GABRA1: variants seen among roughly 807,000 people sequenced by gnomAD.
GABRA1 encodes the protein gamma-aminobutyric acid type A receptor subunit alpha1.
Under a neutral mutation model 48.9 loss-of-function variants are expected in GABRA1, and 9 were observed. The observed-to-expected ratio is 0.18, with a 90% CI of 0.11 to 0.32. GABRA1 has a LOEUF of 0.32. Among genes scored for constraint, GABRA1 ranks in the 10% least tolerant of loss-of-function variants. The pLI is 1.00. For missense variants in GABRA1, 285 were observed against 553.8 expected (o/e 0.51, Z 4.87); for synonymous variants, 210 against 198.7 (o/e 1.06, Z -0.48).
chr5:161,875,628 T>G lies in GABRA1; in HGVS notation c.545T>G (p.Leu182Arg). Residue 182 changes from leucine (L) to arginine (R), a missense_variant, in exon 6 of 10, where the codon CTA becomes CGA. Around this residue, in one of 6 missense-constraint regions of GABRA1, gnomAD observed 105 missense variants for 267.4 expected, o/e 0.39. Transcript: ENST00000393943. ...CCTATGGATGCCCATGCTTGCCCAC[T>G]AAAATTTGGAAGTTGTGAGTAAATT... ...DFPMDAHACP[L>R]KFGSYAYTRA... 6.2e-7 allele frequency: 1 copy of G among 1,613,006 alleles called. No homozygotes were observed. Among genetic ancestry groups the G allele is most frequent in the South Asian group, 1.1e-5 (1 of 91,068 alleles).
At chr5:161,867,855 C>T (rs932862980) in intron 4 of GABRA1, among the ~76,000 whole-genome samples, 6 of 151,952 alleles carry the variant, frequency 3.9e-5, no homozygotes, top group Non-Finnish European at 2.9e-5. Context: ...TTTTAGCTTT[C>T]GGCCACATAT....
chr5:161,870,276 C>T (rs1232261469), intron 4 of GABRA1, among the ~76,000 whole-genome samples: 4 of 152,018 alleles, frequency 2.6e-5, no homozygotes, highest in East Asian at 1.9e-4. Flanking sequence ...TAAGAAGGGG[C>T]TTTGGCCAGG....
At chr5:161,883,699 TA>T (rs555218847) in intron 7 of GABRA1, among the ~76,000 whole-genome samples, 2 of 151,946 alleles carry the variant, frequency 1.3e-5, no homozygotes, top group East Asian at 1.9e-4. Context: ...GGAGTGGTGA[TA>T]AAAAAAACTT....
In GABRA1 at chr5:161,873,037, AT is replaced by A. The variant is rs1754191740; in HGVS notation, c.256-78del. On this transcript the variant is annotated intron_variant, in intron 4 of 9. Transcript: ENST00000393943. ...ACATTATACTTCCAAAGTTGCAAAA[AT>A]TATGCACTGTCTGCGTTAGATATTT... is the stretch of plus-strand genomic sequence containing the variant. 3 of 1,147,812 alleles carry A rather than the reference AT, an allele frequency of 2.6e-6. No individual in the cohort carries two copies. The South Asian group carries it at 3.7e-5, about 14-fold the overall frequency. 71.1% of individuals were successfully genotyped at this position (1,147,812 alleles called of 1,614,324 possible). A position where few individuals can be genotyped will look rare whatever the true frequency, so the allele number is the denominator to read the frequency against.
rs1753807587 is a variant in GABRA1 at position 161,865,724 on chromosome 5, G to A, written c.191G>A (p.Arg64His). The change falls in exon 4 of 10, where the codon CGT (arginine) becomes CAT (histidine). Residue 64 changes from arginine (R) to histidine (H), a missense_variant. By Grantham distance (29) the Arg-to-His change is conservative. Around this residue, in one of 6 missense-constraint regions of GABRA1, gnomAD observed 105 missense variants for 267.4 expected, o/e 0.39. Coordinates refer to ENST00000393943, the MANE Select transcript of GABRA1 (RefSeq NM_001127644.2). Reference sequence around the variant, plus strand: ...GCCCAATTTCCTGCTTCAACAGAGCGTGTAACCGAAGTGAAGACTGATATC... The same window carrying A: ...GCCCAATTTCCTGCTTCAACAGAGCATGTAACCGAAGTGAAGACTGATATC... ...DNRLRPGLGE[R>H]VTEVKTDIFV... 8 of 1,612,852 alleles carry A rather than the reference G, an allele frequency of 5.0e-6. No homozygotes were observed. The highest frequency in any genetic ancestry group is 6.8e-6 in the Non-Finnish European group (8 of 1,179,040).
chr5:161,893,143 C>T (rs970983946), intron 8 of GABRA1, among the ~76,000 whole-genome samples: 7 of 151,572 alleles, frequency 4.6e-5, no homozygotes, highest in Non-Finnish European at 5.9e-5. Flanking sequence ...GTGATTTACC[C>T]CTTCCCACAC....
Position 161,899,659 on chromosome 5 carries a change from A to G in GABRA1, c.*2237A>G, listed in dbSNP as rs1755528993. The stretch of plus-strand genomic sequence containing the variant: ...AAGTTTATCAAAAACAAATTATTAT[A>G]TGTAGCTTTTCTACAGTGCTTTGCT... On this transcript the variant is annotated 3_prime_UTR_variant, in exon 10 of 10. Coordinates refer to ENST00000393943, the MANE Select transcript of GABRA1 (RefSeq NM_001127644.2). 1 of 152,214 alleles carries G rather than the reference A, an allele frequency of 6.6e-6. No homozygotes were observed. Among genetic ancestry groups the G allele is most frequent in the South Asian group, 2.1e-4 (1 of 4,834 alleles). The allele number at this position is 152,214 out of a possible 1,614,324, so 9.4% of individuals were successfully genotyped here.
At chr5:161,864,488 A>G (rs1581189005) in intron 3 of GABRA1, among the ~76,000 whole-genome samples, 1 of 152,070 alleles carries the variant, frequency 6.6e-6, no homozygotes, top group African/African-American at 2.4e-5. Context: ...TCACAAGTAA[A>G]TTGCTAAGGG....
chr5:161,884,558 G>T (rs1050453992), intron 7 of GABRA1, among the ~76,000 whole-genome samples: 5 of 152,098 alleles, frequency 3.3e-5, no homozygotes. Flanking sequence ...GATGATCTAG[G>T]AAGGATTGTT....
intron 7 of GABRA1, among the ~76,000 whole-genome samples, chr5:161,885,143 T>C (rs919317679): frequency 2.6e-5 from 4 of 152,166 alleles, no homozygotes; most frequent in African/African-American, 9.7e-5. Flanking sequence ...AGAAGAACAA[T>C]GAGCAAATTC....
At chr5:161,861,176 G>C (rs1179552025) in intron 3 of GABRA1, among the ~76,000 whole-genome samples, 1 of 151,688 alleles carries the variant, frequency 6.6e-6, no homozygotes, top group African/African-American at 2.4e-5. Flanking sequence ...GAAATAGGGT[G>C]CCTGAGAGTT....
At chr5:161,887,453 A>C (rs1754899990) in intron 7 of GABRA1, among the ~76,000 whole-genome samples, 1 of 152,168 alleles carries the variant, frequency 6.6e-6, no homozygotes, top group African/African-American at 2.4e-5. Context: ...GGAAAAAAAA[A>C]AGACTTCTGT....
At chr5:161,859,423 G>A (rs1353885374) in intron 3 of GABRA1, among the ~76,000 whole-genome samples, 1 of 151,750 alleles carries the variant, frequency 6.6e-6, no homozygotes, top group Admixed American at 6.6e-5. Flanking sequence ...GCAAGATGCT[G>A]TTGGCTTCTT....
intron 3 of GABRA1, among the ~76,000 whole-genome samples, chr5:161,861,510 C>T (rs1757859289): frequency 6.6e-6 from 1 of 151,876 alleles, no homozygotes; most frequent in Non-Finnish European, 1.5e-5. Context: ...CTTGTATCAT[C>T]TGAGTTCTTG....
chr5:161,871,919 G>A (rs1413362961), intron 4 of GABRA1, among the ~76,000 whole-genome samples: 1 of 152,150 alleles, frequency 6.6e-6, no homozygotes, highest in Non-Finnish European at 1.5e-5. Context: ...CCAAACATGT[G>A]CCAGAGAACA....
rs773303293 is a variant in GABRA1 at position 161,882,719 on chromosome 5, A to G, written c.703+18A>G. The G allele has an allele frequency of 1.9e-6, 3 of 1,608,510 alleles. No homozygotes were observed. Among genetic ancestry groups the G allele is most frequent in the Non-Finnish European group, 2.6e-6 (3 of 1,175,274 alleles). On this transcript the variant is annotated intron_variant, in intron 7 of 9. Transcript: ENST00000393943. ...AAGTACAGGTAAGTACGATTTTGTT[A>G]CTTCAGTTATGGAGGAAGAAGAAGA...
intron 7 of GABRA1, among the ~76,000 whole-genome samples, chr5:161,886,131 T>A (rs1338572251): frequency 6.6e-6 from 1 of 152,134 alleles, no homozygotes; most frequent in South Asian, 2.1e-4. Flanking sequence ...GTCATACAGC[T>A]GGGAAGTGGC....
intron 3 of GABRA1, among the ~76,000 whole-genome samples, chr5:161,864,848 T>TA (rs375808687): frequency 0.073 from 11,039 of 150,358 alleles, 464 homozygotes; most frequent in South Asian, 0.12. Flanking sequence ...AAAATAAATA[T>TA]AAAAAATAAA....
At chr5:161,893,048 T>TAATAATAAAAAAAAA (rs5872733) in intron 8 of GABRA1, among the ~76,000 whole-genome samples, 93 of 142,008 alleles carry the variant, frequency 6.5e-4, no homozygotes, top group East Asian at 5.3e-3. Context: ...ATAATAATAA[T>TAATAATAAAAAAAAA]AAAATAAACA....
Sources: gnomAD v4.1 joint callset for allele counts (sites outside exome capture counted in the v4.1 genomes callset) on GRCh38, gnomAD v4.1.1 for gene constraint, gnomAD v4.1.1 regional missense constraint, MANE v1.5 for transcripts, NCBI Gene and HGNC (gene_info 2026-07-23, HGNC 2026-07-21) for gene names.